SLC2A12: variants seen among roughly 807,000 people sequenced by gnomAD.
SLC2A12 encodes solute carrier family 2 member 12.
Under a neutral mutation model 41.8 loss-of-function variants are expected in SLC2A12, and 23 were observed. The ratio of observed to expected loss-of-function variants is 0.55; its 90% CI spans 0.40 to 0.78. The LOEUF (loss-of-function observed/expected upper bound fraction) is 0.78, where lower values mean the gene tolerates loss of function less well. SLC2A12 is among the 30% of genes least tolerant of loss of function. The pLI is 0.00. For missense variants in SLC2A12, 654 were observed against 745.6 expected, an observed-to-expected ratio of 0.88 and a Z score of 1.43; for synonymous variants, 295 against 285.9, an observed-to-expected ratio of 1.03 and a Z score of -0.32.
intron 1 of SLC2A12, among the ~76,000 whole-genome samples, chr6:134,047,254 A>G (rs1365078094): frequency 6.6e-6 from 1 of 152,188 alleles, no homozygotes; most frequent in Non-Finnish European, 1.5e-5. Flanking sequence ...GACTCTATTC[A>G]ATTTTAAAAT....
At position 134,029,459 on chromosome 6, in the gene SLC2A12, T is replaced by G. The variant is rs1777166784; in HGVS notation, c.366A>C (p.Leu122Phe). 1 of 1,614,042 alleles carries G rather than the reference T, an allele frequency of 6.2e-7. No homozygotes were observed. Among genetic ancestry groups the G allele is most frequent in the Admixed American group, 1.7e-5 (1 of 60,000 alleles). ...TGTAGGATAAACTGAGGATCAAGAC[T>G]AAGCTTCCGAGTCCAAGCAGGCAGG... ...LSSCLLGLGS[L>F]VLILSLSYTV... Residue 122 changes from leucine to phenylalanine, a missense_variant, in exon 2 of 5, where the codon TTA becomes TTC. By Grantham distance (22) the Leu-to-Phe change is conservative. Transcript: ENST00000275230.
chr6:134,014,334 G>A (rs1011085860), intron 2 of SLC2A12, among the ~76,000 whole-genome samples: 16 of 152,094 alleles, frequency 1.1e-4, no homozygotes, highest in African/African-American at 3.1e-4. Context: ...CTGTGCAGCC[G>A]GGTTCCTAAC....
intron 1 of SLC2A12, among the ~76,000 whole-genome samples, chr6:134,041,327 A>G (rs1166078204): frequency 6.6e-6 from 1 of 152,134 alleles, no homozygotes; most frequent in Non-Finnish European, 1.5e-5. Flanking sequence ...AGAGATACAG[A>G]AAGAGAAATG....
At chr6:134,006,076 G>A (rs1309546833) in intron 3 of SLC2A12, among the ~76,000 whole-genome samples, 1 of 150,686 alleles carries the variant, frequency 6.6e-6, no homozygotes, top group African/African-American at 2.4e-5. Context: ...AGAGGCTGAG[G>A]CAAGAGAATC....
At chr6:134,028,332 G>A in intron 2 of SLC2A12, 49 bp downstream of exon 2, 1 of 1,541,348 alleles carries the variant, frequency 6.5e-7, no homozygotes, top group Non-Finnish European at 8.7e-7. Context: ...TATAGCAGTA[G>A]GATGCTCTGA....
Position 134,028,659 on chromosome 6 carries a change from G to C in SLC2A12, c.1166C>G (p.Ser389Cys). 1 of 1,614,198 alleles carries C rather than the reference G, an allele frequency of 6.2e-7. No homozygotes were observed. The highest frequency in any genetic ancestry group is 8.5e-7 in the Non-Finnish European group (1 of 1,180,030). ...HNSINQSLDE[S>C]VIYGPGNLST... ...CAGGTTTCCTGGTCCATAAATCACA[G>C]ACTCATCCAAGGACTGGTTGATAGA... The change falls in exon 2 of 5, where the codon TCT becomes TGT. Residue 389 changes from serine to cysteine, a missense_variant. Physicochemically the swap from Ser to Cys is moderately radical, Grantham distance 112. Coordinates refer to ENST00000275230, the MANE Select transcript of SLC2A12 (RefSeq NM_145176.3).
At position 134,017,018 on chromosome 6, in the gene SLC2A12, A is replaced by G. The variant is rs574416642; in HGVS notation, c.1445-10084T>C. Among the ~76,000 whole-genome samples, 547 of 152,274 alleles carry G rather than the reference A, an allele frequency of 3.6e-3. 3 individuals carry two copies. The highest frequency in any genetic ancestry group is 0.012 in the African/African-American group (513 of 41,546). ...AAAAAGTTTAAATACATTCAATTAC[A>G]TGAAACCAAGGTAGGAATAATTATC... On this transcript the variant is annotated intron_variant, in intron 2 of 4. Coordinates refer to ENST00000275230, the MANE Select transcript of SLC2A12 (RefSeq NM_145176.3).
intron 1 of SLC2A12, among the ~76,000 whole-genome samples, chr6:134,040,532 A>T (rs1244929883): frequency 6.6e-6 from 1 of 152,192 alleles, no homozygotes; most frequent in Non-Finnish European, 1.5e-5. Flanking sequence ...CTCACACTGT[A>T]CCCATCCTCC....
chr6:134,032,459 T>TATATAA, intron 1 of SLC2A12, among the ~76,000 whole-genome samples: 1 of 36,504 alleles, frequency 2.7e-5, no homozygotes, highest in African/African-American at 1.2e-4. Flanking sequence ...AATATATATA[T>TATATAA]ATATATTTTT....
In SLC2A12 at chr6:134,026,802, C is replaced by A. The variant is rs1777118993; in HGVS notation, c.1444+1579G>T. 4.6e-5 allele frequency among the ~76,000 whole-genome samples: 7 copies of A among 152,328 alleles called. No individual in the cohort carries two copies. In the South Asian group the frequency reaches 6.2e-4, roughly 14 times the overall value. ...TGGTCTTCCATGTCTTGGACCATGA[C>A]CCAATCTTGCCACAGCTGTTTAGGC... On this transcript the variant is annotated intron_variant, in intron 2 of 4. Transcript: ENST00000275230.
chr6:134,001,859 G>T, intron 4 of SLC2A12, 138 bp downstream of exon 4: 1 of 855,020 alleles, frequency 1.2e-6, no homozygotes, highest in Non-Finnish European at 1.6e-6. Context: ...ATTATGCACT[G>T]AGACATAGTC....
At position 134,002,001 on chromosome 6, in the gene SLC2A12, T is replaced by G; in HGVS notation, c.1696A>C (p.Lys566Gln). The G allele has an allele frequency of 6.2e-7, 1 of 1,609,814 alleles. No homozygotes were observed. The highest frequency in any genetic ancestry group is 8.5e-7 in the Non-Finnish European group (1 of 1,178,824). ...ACCAATGCATGTAATACTTACACTT[T>G]TGCTAGCTCCATTGATATTTGTTCC... Reference protein sequence around the residue: ...SLEQISMELAKVNYVKNNICF... With the variant: ...SLEQISMELAQVNYVKNNICF... Residue 566 changes from lysine to glutamine, a missense_variant, in exon 4 of 5, where the codon AAA (lysine) becomes CAA (glutamine). Around this residue, in one of 3 missense-constraint regions of SLC2A12, gnomAD observed 134 missense variants for 180.5 expected, o/e 0.74. Coordinates refer to ENST00000275230, the MANE Select transcript of SLC2A12 (RefSeq NM_145176.3).
chr6:134,033,583 C>G (rs1462227354), intron 1 of SLC2A12, among the ~76,000 whole-genome samples: 1 of 152,048 alleles, frequency 6.6e-6, no homozygotes. Flanking sequence ...GAATGGACCA[C>G]CTGGGAGGCC....
At chr6:134,011,148 T>C (rs970698521) in intron 2 of SLC2A12, among the ~76,000 whole-genome samples, 2 of 152,180 alleles carry the variant, frequency 1.3e-5, no homozygotes, top group Non-Finnish European at 2.9e-5. Context: ...CCATGCCCTA[T>C]ACTTTGTAGG....
At chr6:134,032,466 T>TATATAAATA (rs1562201745) in intron 1 of SLC2A12, among the ~76,000 whole-genome samples, 5 of 33,202 alleles carry the variant, frequency 1.5e-4, no homozygotes, top group African/African-American at 7.6e-4. Flanking sequence ...ATATATATAT[T>TATATAAATA]TTTATATATA....
At chr6:134,010,266 C>A (rs1490826977) in intron 2 of SLC2A12, among the ~76,000 whole-genome samples, 5 of 152,128 alleles carry the variant, frequency 3.3e-5, no homozygotes, top group Admixed American at 3.3e-4. Context: ...AAATTATTGC[C>A]ACAGGGGAGG....
rs1400000253 is a variant in SLC2A12, at chr6:134,002,200, T to C, written c.1568-71A>G. ...TTTGATCCCATTTGTGAACAGCCAC[T>C]TAGGGCATACATAGCACCATATGTA... is the stretch of plus-strand genomic sequence containing the variant. On this transcript the variant is annotated intron_variant, in intron 3 of 4. Coordinates refer to ENST00000275230, the MANE Select transcript of SLC2A12 (RefSeq NM_145176.3). 5.3e-6 allele frequency: 8 copies of C among 1,499,358 alleles called. No individual in the cohort carries two copies. In the East Asian group the frequency reaches 7.2e-5, roughly 13 times the overall value. The allele number at this position is 1,499,358 out of a possible 1,614,324, so 92.9% of individuals were successfully genotyped here.
chr6:134,048,303 C>T (rs150728408), intron 1 of SLC2A12, among the ~76,000 whole-genome samples: 1 of 152,278 alleles, frequency 6.6e-6, no homozygotes, highest in East Asian at 1.9e-4. Flanking sequence ...GTCTAAAAAT[C>T]CTGTCATTTC....
chr6:134,041,063 AT>A (rs576597610), intron 1 of SLC2A12, among the ~76,000 whole-genome samples: 11 of 151,740 alleles, frequency 7.2e-5, no homozygotes, highest in East Asian at 3.9e-4. Context: ...GAACTTTTTA[AT>A]TTTTTTTTCT....
Sources: allele counts gnomAD v4.1 joint callset (sites outside exome capture counted in the v4.1 genomes callset), GRCh38; gene constraint gnomAD v4.1.1; regional missense constraint gnomAD v4.1.1; transcripts MANE v1.5; gene names NCBI Gene and HGNC (gene_info 2026-07-23, HGNC 2026-07-21).